Variants in SLC9C1 observed in about 807,000 individuals in gnomAD.
SLC9C1 encodes the protein solute carrier family 9 member C1, also known as sodium/hydrogen exchanger 10.
Under a neutral mutation model 140.9 loss-of-function variants are expected in SLC9C1, and 97 were observed. The observed-to-expected ratio is 0.69, with a 90% CI of 0.58 to 0.82. The LOEUF (loss-of-function observed/expected upper bound fraction) is 0.82. Among genes scored for constraint, SLC9C1 ranks in the 40% least tolerant of loss-of-function variants. SLC9C1 has a pLI of 0.00. For missense variants in SLC9C1, 1,340 were observed against 1,389.3 expected (o/e 0.96, Z 0.56); for synonymous variants, 440 against 442.6 (o/e 0.99, Z 0.07).
intron 23 of SLC9C1, 69 bp downstream of exon 23, chr3:112,179,462 C>T (rs2077398383): frequency 2.7e-6 from 4 of 1,483,398 alleles, no homozygotes; most frequent in South Asian, 1.3e-5. Context: ...ATACTAAATA[C>T]TAAAATAACC....
rs921833887 is a variant in SLC9C1 at position 112,185,916 on chromosome 3, G to T, written c.2524-3658C>A. ...CTCAGCCACCACCACGTACCGCCCC[G>T]CCGGGAAATAGCCAGGCGGCAGCAG... On this transcript the variant is annotated intron_variant, in intron 20 of 28. Transcript: ENST00000305815. 18 of 1,576,144 alleles carry T rather than the reference G, an allele frequency of 1.1e-5. No homozygotes were observed. The African/African-American group carries it at 1.9e-4, about 16-fold the overall frequency.
chr3:112,242,544 G>T (rs187769593), intron 11 of SLC9C1, among the ~76,000 whole-genome samples: 1 of 152,280 alleles, frequency 6.6e-6, no homozygotes, highest in East Asian at 1.9e-4. Context: ...GAGTAGTGGG[G>T]AGGTAAGGGG....
At chr3:112,176,325 T>C (rs541719698) in intron 23 of SLC9C1, among the ~76,000 whole-genome samples, 167 of 152,318 alleles carry the variant, frequency 1.1e-3, no homozygotes, top group Non-Finnish European at 2.1e-3. Context: ...TTGAGTTGTT[T>C]CCTTGATTAG....
chr3:112,169,381 G>A (rs2077202949), intron 23 of SLC9C1, 53 bp from the exon 24 acceptor site: 3 of 1,540,096 alleles, frequency 1.9e-6, no homozygotes, highest in African/African-American at 1.4e-5. Flanking sequence ...TATGGTTTAA[G>A]GAATAAAGTT....
At chr3:112,292,279 A>G (rs1035990493) in intron 1 of SLC9C1, among the ~76,000 whole-genome samples, 2 of 152,226 alleles carry the variant, frequency 1.3e-5, no homozygotes, top group African/African-American at 4.8e-5. Flanking sequence ...AATTATAATC[A>G]CATTAATAAT....
chr3:112,249,291 G>A (rs892760825), intron 10 of SLC9C1, among the ~76,000 whole-genome samples: 2 of 151,076 alleles, frequency 1.3e-5, no homozygotes, highest in African/African-American at 4.9e-5. Context: ...GCATCCAAAG[G>A]ATAAAGCCTA....
intron 26 of SLC9C1, among the ~76,000 whole-genome samples, chr3:112,157,114 T>C (rs895029211): frequency 6.6e-6 from 1 of 152,070 alleles, no homozygotes; most frequent in African/African-American, 2.4e-5. Flanking sequence ...TCCTATAGCA[T>C]TTTCCCAACT....
intron 7 of SLC9C1, 60 bp downstream of exon 7, chr3:112,269,856 T>A (rs2080023700): frequency 2.2e-6 from 3 of 1,392,580 alleles, no homozygotes; most frequent in Non-Finnish European, 2.8e-6. Flanking sequence ...GCATTTTTCA[T>A]ATATTTTTAT....
At chr3:112,290,810 CCTTCT>C (rs1418280029) in intron 1 of SLC9C1, among the ~76,000 whole-genome samples, 5 of 79,796 alleles carry the variant, frequency 6.3e-5, no homozygotes, top group African/African-American at 2.5e-4. Flanking sequence ...ACCTTCTTTT[CCTTCT>C]TTTTTTTTTT....
intron 16 of SLC9C1, among the ~76,000 whole-genome samples, 188 bp from the exon 17 acceptor site, chr3:112,204,591 G>A (rs955201489): frequency 2.6e-5 from 4 of 151,890 alleles, no homozygotes; most frequent in African/African-American, 9.7e-5. Context: ...AATACTCCTA[G>A]AACTATTAAT....
intron 13 of SLC9C1, among the ~76,000 whole-genome samples, chr3:112,223,986 G>A (rs953402226): frequency 4.6e-5 from 7 of 152,162 alleles, no homozygotes; most frequent in Admixed American, 2.0e-4. Context: ...TGCTTCCCCA[G>A]AGTGAAGACC....
At chr3:112,169,648 T>C (rs1192622512) in intron 23 of SLC9C1, among the ~76,000 whole-genome samples, 1 of 152,186 alleles carries the variant, frequency 6.6e-6, no homozygotes, top group African/African-American at 2.4e-5. Flanking sequence ...ATAGTATAAT[T>C]TGAAGTTAGG....
At chr3:112,214,010 C>G (rs369357343) in intron 15 of SLC9C1, among the ~76,000 whole-genome samples, 2 of 152,210 alleles carry the variant, frequency 1.3e-5, no homozygotes, top group African/African-American at 4.8e-5. Context: ...CAAACTGTCT[C>G]TCAGACCACA....
At chr3:112,242,496 G>A (rs1302973968) in intron 11 of SLC9C1, among the ~76,000 whole-genome samples, 1 of 152,088 alleles carries the variant, frequency 6.6e-6, no homozygotes, top group African/African-American at 2.4e-5. Context: ...AACTTATGGA[G>A]ATAGAGAGTA....
intron 12 of SLC9C1, among the ~76,000 whole-genome samples, chr3:112,238,965 A>C (rs1272785228): frequency 6.6e-6 from 1 of 152,144 alleles, no homozygotes; most frequent in Non-Finnish European, 1.5e-5. Flanking sequence ...GCTGGGAGAA[A>C]CACTACTCTC....
At chr3:112,193,911 G>A (rs965258420) in intron 20 of SLC9C1, among the ~76,000 whole-genome samples, 2 of 152,148 alleles carry the variant, frequency 1.3e-5, no homozygotes, top group African/African-American at 4.8e-5. Flanking sequence ...CTGATCCTAG[G>A]CCCCAGTTTC....
chr3:112,252,850 A>G (rs7635058), intron 10 of SLC9C1, among the ~76,000 whole-genome samples: 89,630 of 151,416 alleles, frequency 0.59, 26,987 homozygotes, highest in East Asian at 0.79. Context: ...ACAGTAGGCG[A>G]GATCTACCAA....
At chr3:112,155,279 C>G (rs1052258993) in intron 26 of SLC9C1, among the ~76,000 whole-genome samples, 2 of 152,060 alleles carry the variant, frequency 1.3e-5, no homozygotes, top group African/African-American at 4.8e-5. Context: ...GAAAGTAGAG[C>G]TACAAAATCA....
chr3:112,179,901 C>G (rs1445140039), intron 22 of SLC9C1, among the ~76,000 whole-genome samples, 200 bp from the exon 23 acceptor site: 1 of 152,194 alleles, frequency 6.6e-6, no homozygotes, highest in South Asian at 2.1e-4. Context: ...ATACTCTGAT[C>G]TTTCTGATTC....
Sources: gnomAD v4.1 joint callset for allele counts (sites outside exome capture counted in the v4.1 genomes callset) on GRCh38, gnomAD v4.1.1 for gene constraint, MANE v1.5 for transcripts, NCBI Gene and HGNC (gene_info 2026-07-23, HGNC 2026-07-21) for gene names.